Variants in ZNF92 observed in about 807,000 individuals in gnomAD.
The protein encoded by ZNF92 is epididymis luminal protein 203.
In ZNF92, 11 loss-of-function variants were observed where a neutral mutation model predicts 12.4. The ratio of observed to expected loss-of-function variants is 0.89; its 90% confidence interval spans 0.56 to 1.47. The LOEUF (loss-of-function observed/expected upper bound fraction) is 1.47. Among genes scored for constraint, ZNF92 ranks in the 40% most tolerant of loss-of-function variants. The pLI, the probability that ZNF92 is intolerant of heterozygous loss-of-function variation, is 0.00. For synonymous variants in ZNF92, 206 were observed against 228.6 expected (o/e 0.90, Z 0.89); for missense variants, 622 against 681.0 (o/e 0.91, Z 0.96).
chr7:65,392,223 A>G (rs891163193), intron 3 of ZNF92, among the ~76,000 whole-genome samples: 3 of 151,976 alleles, frequency 2.0e-5, no homozygotes, highest in African/African-American at 7.2e-5. Context: ...GCTGATTTTC[A>G]ATGGTTGTTT....
chr7:65,400,047 C>A lies in ZNF92; in HGVS notation c.*172C>A. 1 of 589,752 alleles carries A rather than the reference C, an allele frequency of 1.7e-6. No homozygotes were observed. The highest frequency in any genetic ancestry group is 2.8e-6 in the Non-Finnish European group (1 of 356,638). 36.5% of individuals were successfully genotyped at this position (589,752 alleles called of 1,614,324 possible). On this transcript the variant is annotated 3_prime_UTR_variant, in exon 4 of 4. Coordinates refer to ENST00000328747, the MANE Select transcript of ZNF92 (RefSeq NM_152626.4). Reference sequence around the variant, plus strand: ...CTCCAAGTATGAAGAATGTGGCAAACTTTTAACCAATCCTCACACCTTATT... The same window carrying A: ...CTCCAAGTATGAAGAATGTGGCAAAATTTTAACCAATCCTCACACCTTATT...
Position 65,400,114 on chromosome 7 carries a change from A to G in ZNF92, c.*239A>G. On this transcript the variant is annotated 3_prime_UTR_variant, in exon 4 of 4. Coordinates refer to ENST00000328747, the MANE Select transcript of ZNF92 (RefSeq NM_152626.4). Reference sequence around the variant, plus strand: ...ATACTTGAGAAAAATTGTATAAAGAATATGGAAAAGCCATTTATATCTGCT... The same window carrying G: ...ATACTTGAGAAAAATTGTATAAAGAGTATGGAAAAGCCATTTATATCTGCT... 1 of 365,420 alleles carries G rather than the reference A, an allele frequency of 2.7e-6. No individual in the cohort carries two copies. The highest frequency in any genetic ancestry group is 4.9e-6 in the Non-Finnish European group (1 of 204,870). 22.6% of individuals were successfully genotyped at this position (365,420 alleles called of 1,614,324 possible).
intron 1 of ZNF92, among the ~76,000 whole-genome samples, chr7:65,386,561 T>C (rs1319980005): frequency 6.6e-6 from 1 of 152,070 alleles, no homozygotes; most frequent in Non-Finnish European, 1.5e-5. Context: ...ATTAAGAAAA[T>C]GCTTTTTGAA....
At chr7:65,378,508 C>T (rs933670369) in intron 1 of ZNF92, among the ~76,000 whole-genome samples, 5 of 151,292 alleles carry the variant, frequency 3.3e-5, no homozygotes, top group East Asian at 2.0e-4. Flanking sequence ...TTTGGGAGGC[C>T]GAGGTGGGCG....
chr7:65,393,679 A>C (rs1793780813), intron 3 of ZNF92, among the ~76,000 whole-genome samples: 1 of 151,010 alleles, frequency 6.6e-6, no homozygotes, highest in Admixed American at 6.6e-5. Context: ...AAAAATGTAT[A>C]GTGGCTATTC....
intron 1 of ZNF92, among the ~76,000 whole-genome samples, chr7:65,380,887 C>T (rs2116345666): frequency 6.6e-6 from 1 of 152,090 alleles, no homozygotes; most frequent in East Asian, 1.9e-4. Context: ...TTGGTAATTG[C>T]CATTCTTACT....
intron 3 of ZNF92, among the ~76,000 whole-genome samples, chr7:65,390,253 C>T (rs577579972): frequency 6.6e-6 from 1 of 151,668 alleles, no homozygotes; most frequent in Non-Finnish European, 1.5e-5. Flanking sequence ...TTTTACCTAT[C>T]TGTCTTCAAT....
chr7:65,382,775 A>G (rs1301111914), intron 1 of ZNF92, among the ~76,000 whole-genome samples: 2 of 152,004 alleles, frequency 1.3e-5, no homozygotes, highest in Non-Finnish European at 2.9e-5. Context: ...CTGCTATTCT[A>G]CCCATCCAGG....
rs1793997574 is a variant in ZNF92 at position 65,400,960 on chromosome 7, C to G, written c.*1085C>G. On this transcript the variant is annotated 3_prime_UTR_variant, in exon 4 of 4. Coordinates refer to ENST00000328747, the MANE Select transcript of ZNF92 (RefSeq NM_152626.4). Reference sequence around the variant, plus strand: ...TGTGATTAACTTAGAATATTAAGTGCTACTTGAGGTACATGTTCAGACTAA... The same window carrying G: ...TGTGATTAACTTAGAATATTAAGTGGTACTTGAGGTACATGTTCAGACTAA... 6.6e-6 allele frequency: 1 copy of G among 151,890 alleles called. No homozygotes were observed. The highest frequency in any genetic ancestry group is 2.4e-5 in the African/African-American group (1 of 41,376). The allele number at this position is 151,890 out of a possible 1,614,324, so 9.4% of individuals were successfully genotyped here. A position where few individuals can be genotyped will look rare whatever the true frequency, so the allele number is the denominator to read the frequency against.
chr7:65,387,909 T>C lies in ZNF92; in HGVS notation c.11T>C (p.Leu4Pro). The C allele has an allele frequency of 6.2e-7, 1 of 1,603,436 alleles. No individual in the cohort carries two copies. The highest frequency in any genetic ancestry group is 8.5e-7 in the Non-Finnish European group (1 of 1,175,282). Reference protein sequence around the residue: MGPLTFRDVKIEFS... With the variant: MGPPTFRDVKIEFS... ...TGTGTGTGTGTTTTTCAGGGACCAC[T>C]GACATTTAGGGATGTGAAAATAGAA... Residue 4 changes from leucine to proline, a missense_variant, in exon 2 of 4, where the codon CTG becomes CCG. Coordinates refer to ENST00000328747, the MANE Select transcript of ZNF92 (RefSeq NM_152626.4).
At chr7:65,380,411 G>A (rs1332066647) in intron 1 of ZNF92, among the ~76,000 whole-genome samples, 1 of 151,992 alleles carries the variant, frequency 6.6e-6, no homozygotes. Context: ...GGACTACAGC[G>A]TGCACGACCA....
Position 65,373,952 on chromosome 7 carries a change from T to C in ZNF92, c.-46T>C, listed in dbSNP as rs370864052. On this transcript the variant is annotated 5_prime_UTR_variant, in exon 1 of 4. Coordinates refer to ENST00000328747, the MANE Select transcript of ZNF92 (RefSeq NM_152626.4). The stretch of plus-strand genomic sequence containing the variant: ...CTGTGACCCTGTTACCTGCAAGAAC[T>C]TGGAGGTTCACAGCTAAGACGCCAG... 3.1e-6 allele frequency: 5 copies of C among 1,613,752 alleles called. No individual in the cohort carries two copies. The highest frequency in any genetic ancestry group is 3.4e-6 in the Non-Finnish European group (4 of 1,179,862).
At chr7:65,386,927 G>A (rs968586968) in intron 1 of ZNF92, among the ~76,000 whole-genome samples, 2 of 142,216 alleles carry the variant, frequency 1.4e-5, no homozygotes, top group Admixed American at 1.5e-4. Context: ...TTAAGTATCT[G>A]TTTTCTTTCT....
rs1456849803 is a variant in ZNF92 at position 65,400,994 on chromosome 7, T to C, written c.*1119T>C. ...GTACATGTTCAGACTAACATTCTTTTGCAGTATAGTGAGAAAAAAACATTT... is the reference window on the plus strand; with the variant it reads ...GTACATGTTCAGACTAACATTCTTTCGCAGTATAGTGAGAAAAAAACATTT... On this transcript the variant is annotated 3_prime_UTR_variant, in exon 4 of 4. Transcript: ENST00000328747. 6.6e-6 allele frequency: 1 copy of C among 152,040 alleles called. No homozygotes were observed. The highest frequency in any genetic ancestry group is 2.4e-5 in the African/African-American group (1 of 41,398). The allele number at this position is 152,040 out of a possible 1,614,324, so 9.4% of individuals were successfully genotyped here. A position where few individuals can be genotyped will look rare whatever the true frequency, so the allele number is the denominator to read the frequency against.
At chr7:65,392,828 T>C (rs1406229222) in intron 3 of ZNF92, among the ~76,000 whole-genome samples, 3 of 152,048 alleles carry the variant, frequency 2.0e-5, no homozygotes, top group Middle Eastern at 3.2e-3. Flanking sequence ...TGAGCCACCG[T>C]GCCCGGCCAG....
chr7:65,393,426 T>C (rs1228784400), intron 3 of ZNF92, among the ~76,000 whole-genome samples: 1 of 151,736 alleles, frequency 6.6e-6, no homozygotes, highest in South Asian at 2.1e-4. Flanking sequence ...GTTGGGTTGC[T>C]TCAGCCTTTT....
chr7:65,379,933 T>A (rs986134498), intron 1 of ZNF92, among the ~76,000 whole-genome samples: 1 of 152,086 alleles, frequency 6.6e-6, no homozygotes, highest in Admixed American at 6.6e-5. Flanking sequence ...AATTGTGTTG[T>A]GGGTGTTTGG....
chr7:65,374,093 G>T, intron 1 of ZNF92, 93 bp downstream of exon 1: 1 of 1,566,540 alleles, frequency 6.4e-7, no homozygotes. Flanking sequence ...CCTTCCCGCA[G>T]TCGGCTCCGA....
Position 65,388,886 on chromosome 7 carries a change from G to A in ZNF92, c.211G>A (p.Val71Ile). ...EPWNLKRHEM[V>I]DKTPVMCSHF... ...CTGGAATCTGAAGAGACATGAGATGGTAGACAAAACCCCAGGTAGGTGACA... is the reference window on the plus strand; with the variant it reads ...CTGGAATCTGAAGAGACATGAGATGATAGACAAAACCCCAGGTAGGTGACA... The change falls in exon 3 of 4, where the codon GTA becomes ATA. Residue 71 changes from valine to isoleucine, a missense_variant. By Grantham distance (29) the Val-to-Ile change is conservative. Transcript: ENST00000328747. 6.3e-7 allele frequency: 1 copy of A among 1,580,372 alleles called. No individual in the cohort carries two copies. Among genetic ancestry groups the A allele is most frequent in the Non-Finnish European group, 8.6e-7 (1 of 1,160,104 alleles).
Sources: gnomAD v4.1 joint callset for allele counts (sites outside exome capture counted in the v4.1 genomes callset) on GRCh38, gnomAD v4.1.1 for gene constraint, MANE v1.5 for transcripts, NCBI Gene and HGNC (gene_info 2026-07-23, HGNC 2026-07-21) for gene names.